Variants in ALS2 observed in about 807,000 individuals in gnomAD.
ALS2 encodes alsin Rho guanine nucleotide exchange factor ALS2.
A neutral mutation model predicts 203.4 loss-of-function variants in ALS2; 117 were observed. The ratio of observed to expected loss-of-function variants is 0.58; its 90% CI spans 0.50 to 0.67. The LOEUF is 0.67. Ranked by LOEUF, ALS2 falls within the 30% of genes least tolerant of loss-of-function variation. ALS2 has a pLI of 0.00. For synonymous variants in ALS2, 718 were observed against 725.9 expected, an observed-to-expected ratio of 0.99 and a Z score of 0.17; for missense variants, 1,715 against 1,989.4, an observed-to-expected ratio of 0.86 and a Z score of 2.62.
chr2:201,757,527 C>T lies in ALS2; in HGVS notation c.1346G>A (p.Ser449Asn), dbSNP rs1431232307. Residue 449 changes from serine (S) to asparagine (N), a missense_variant, in exon 5 of 34, where the codon AGC (serine) becomes AAC (asparagine). Around this residue, in one of 3 missense-constraint regions of ALS2, gnomAD observed 476 missense variants for 539.3 expected, o/e 0.88. Coordinates refer to ENST00000264276, the MANE Select transcript of ALS2 (RefSeq NM_020919.4). Reference sequence around the variant, plus strand: ...TTCCTGTTTAACCTGTTCTTCCCTGCTATCTTTCAAACCTTCGGGGCCAAT... The same window carrying T: ...TTCCTGTTTAACCTGTTCTTCCCTGTTATCTTTCAAACCTTCGGGGCCAAT... ...SAIGPEGLKD[S>N]REEQVKQESM... 6.2e-7 allele frequency: 1 copy of T among 1,614,110 alleles called. No homozygotes were observed. The highest frequency in any genetic ancestry group is 8.5e-7 in the Non-Finnish European group (1 of 1,179,994).
In ALS2 at chr2:201,761,103, A is replaced by G; in HGVS notation, c.891T>C (p.Asn297=). Residue 297 remains asparagine (N), a synonymous_variant, in exon 4 of 34, where the codon AAT becomes AAC. Coordinates refer to ENST00000264276, the MANE Select transcript of ALS2 (RefSeq NM_020919.4). ...EEVFENTLVA[N]DQSVATELNA... ...TCAGTTCAGTAGCAACAGACTGATC[A>G]TTTGCTACAAGAGTGTTCTCAAATA... 6.2e-7 allele frequency: 1 copy of G among 1,614,214 alleles called. No homozygotes were observed. The highest frequency in any genetic ancestry group is 1.1e-5 in the South Asian group (1 of 91,080).
chr2:201,756,471 A>G (rs1484775975), intron 5 of ALS2, among the ~76,000 whole-genome samples: 2 of 152,140 alleles, frequency 1.3e-5, no homozygotes, highest in African/African-American at 4.8e-5. Flanking sequence ...TACAGTCTAG[A>G]ATTCCTAACT....
intron 8 of ALS2, among the ~76,000 whole-genome samples, chr2:201,748,212 G>A (rs569863940): frequency 2.6e-5 from 4 of 152,294 alleles, no homozygotes; most frequent in Non-Finnish European, 5.9e-5. Context: ...TGTTGTGTGT[G>A]TGTGTGTGTG....
At chr2:201,722,006 TAG>T (rs1488528930) in intron 23 of ALS2, 1 of 152,206 alleles carries the variant, frequency 6.6e-6, no homozygotes, top group Non-Finnish European at 1.5e-5. Context: ...AAATTTTTTA[TAG>T]AGTTTATTAA....
intron 19 of ALS2, among the ~76,000 whole-genome samples, chr2:201,726,114 G>A (rs1691147497): frequency 1.3e-5 from 2 of 152,144 alleles, no homozygotes; most frequent in African/African-American, 4.8e-5. Context: ...GACTTAAAAC[G>A]ACTGAAAGGA....
At chr2:201,756,558 T>C (rs1693407621) in intron 5 of ALS2, among the ~76,000 whole-genome samples, 1 of 152,202 alleles carries the variant, frequency 6.6e-6, no homozygotes, top group Non-Finnish European at 1.5e-5. Context: ...CTACCATATG[T>C]TTTTGTAAAT....
chr2:201,718,592 C>G (rs2105988372), intron 23 of ALS2, among the ~76,000 whole-genome samples: 1 of 152,270 alleles, frequency 6.6e-6, no homozygotes, highest in Non-Finnish European at 1.5e-5. Context: ...AAAAAAAGCA[C>G]TAAATGGTTG....
chr2:201,769,558 T>G (rs1694277113), intron 1 of ALS2, among the ~76,000 whole-genome samples: 1 of 152,232 alleles, frequency 6.6e-6, no homozygotes, highest in Admixed American at 6.5e-5. Flanking sequence ...TTAAATCAGC[T>G]GTTTTAAAAT....
rs1693276924 is a variant in ALS2, at chr2:201,754,674, GA to G, written c.1472-4del. 2 of 1,613,962 alleles carry G rather than the reference GA, an allele frequency of 1.2e-6. No homozygotes were observed. Among genetic ancestry groups the G allele is most frequent in the African/African-American group, 2.7e-5 (2 of 74,912 alleles). ...CTTTCTTAAGAGCCTGGGGGAAACT[GA>G]AAACCAACCAGACGTGGGGTGAAGG... On this transcript the variant is annotated splice_region_variant and splice_polypyrimidine_tract_variant and intron_variant, in intron 5 of 33. Transcript: ENST00000264276.
intron 1 of ALS2, among the ~76,000 whole-genome samples, chr2:201,779,085 C>G (rs1452387064): frequency 6.6e-6 from 1 of 152,180 alleles, no homozygotes; most frequent in Non-Finnish European, 1.5e-5. Flanking sequence ...AACATCAAGA[C>G]TCATTGAAGT....
chr2:201,707,065 T>C, intron 28 of ALS2, 43 bp from the exon 29 acceptor site: 1 of 1,546,040 alleles, frequency 6.5e-7, no homozygotes. Flanking sequence ...TTTTTCATAT[T>C]AAAATTGAAT....
At chr2:201,718,329 G>T in intron 23 of ALS2, 119 bp from the exon 24 acceptor site, 1 of 1,118,260 alleles carries the variant, frequency 8.9e-7, no homozygotes, top group Admixed American at 1.9e-5. Context: ...ATGCGATCTT[G>T]GCTCACTGCA....
At chr2:201,711,145 A>G (rs1300118191) in intron 25 of ALS2, 37 bp from the exon 26 acceptor site, 1 of 1,286,726 alleles carries the variant, frequency 7.8e-7, no homozygotes, top group Non-Finnish European at 1.1e-6. Flanking sequence ...TGTATTTCAC[A>G]TCAAGAAAGC....
At position 201,715,715 on chromosome 2, in the gene ALS2, T is replaced by C. The variant is rs1249361729; in HGVS notation, c.3961A>G (p.Ile1321Val). The C allele has an allele frequency of 5.0e-6, 8 of 1,614,240 alleles. No individual in the cohort carries two copies. The highest frequency in any genetic ancestry group is 2.2e-5 in the East Asian group (1 of 44,878). Reference sequence around the variant, plus strand: ...CGACTGGTGGTCAAGGCCACAGCAATATTGTCCCATGCTTTCCAAACTTCC... The same window carrying C: ...CGACTGGTGGTCAAGGCCACAGCAACATTGTCCCATGCTTTCCAAACTTCC... ...QGEVWKAWDN[I>V]AVALTTSRRQ... The change falls in exon 25 of 34, where the codon ATT becomes GTT. Residue 1321 changes from isoleucine to valine, a missense_variant. Ile to Val is a conservative substitution (Grantham distance 29). Transcript: ENST00000264276.
At chr2:201,739,322 T>C (rs1041775672) in intron 11 of ALS2, among the ~76,000 whole-genome samples, 1 of 151,886 alleles carries the variant, frequency 6.6e-6, no homozygotes, top group African/African-American at 2.4e-5. Flanking sequence ...AGTAATTTAC[T>C]TGGTATCTAC....
intron 1 of ALS2, among the ~76,000 whole-genome samples, chr2:201,776,119 CATAT>C (rs1484886485): frequency 6.6e-6 from 1 of 152,184 alleles, no homozygotes; most frequent in Non-Finnish European, 1.5e-5. Flanking sequence ...TAGAAACTCT[CATAT>C]ATAATTTGCT....
chr2:201,773,682 G>A (rs750808312), intron 1 of ALS2, among the ~76,000 whole-genome samples: 5 of 152,202 alleles, frequency 3.3e-5, no homozygotes, highest in Admixed American at 2.0e-4. Context: ...TTGGGAGGGC[G>A]TATGGATAGT....
chr2:201,702,015 T>A, intron 33 of ALS2, 126 bp from the exon 34 acceptor site: 1 of 855,668 alleles, frequency 1.2e-6, no homozygotes, highest in Non-Finnish European at 1.9e-6. Flanking sequence ...CCAACAGATT[T>A]AATTGATTTC....
chr2:201,719,964 T>G (rs1574688660), intron 23 of ALS2: 1 of 245,624 alleles, frequency 4.1e-6, no homozygotes, highest in East Asian at 1.5e-4. Flanking sequence ...GAAACTGAGT[T>G]AGAAATTAAA....
Sources: gnomAD v4.1 joint callset for allele counts (sites outside exome capture counted in the v4.1 genomes callset) on GRCh38, gnomAD v4.1.1 for gene constraint, gnomAD v4.1.1 regional missense constraint, MANE v1.5 for transcripts, NCBI Gene and HGNC (gene_info 2026-07-23, HGNC 2026-07-21) for gene names.